The following CADPS variants were observed in gnomAD, a reference collection of about 807,000 sequenced individuals.
CADPS encodes calcium-dependent secretion activator 1.
Under a neutral mutation model 167.3 loss-of-function variants are expected in CADPS, and 57 were observed. The observed-to-expected ratio is 0.34, with a 90% CI of 0.28 to 0.42. The LOEUF (loss-of-function observed/expected upper bound fraction) is 0.42, where lower values mean the gene tolerates loss of function less well. Among genes scored for constraint, CADPS ranks in the 20% least tolerant of loss-of-function variants. The pLI, the probability that CADPS is intolerant of heterozygous loss-of-function variation, is 1.00. For synonymous variants in CADPS, 676 were observed against 635.3 expected, an observed-to-expected ratio of 1.06 and a Z score of -0.96; for missense variants, 1,414 against 1,738.1, an observed-to-expected ratio of 0.81 and a Z score of 3.32.
chr3:62,663,552 T>C (rs369302707), intron 3 of CADPS, among the ~76,000 whole-genome samples: 78 of 151,528 alleles, frequency 5.1e-4, no homozygotes, highest in African/African-American at 1.9e-3. Flanking sequence ...ATATGTGAGT[T>C]TTCTAAGTCC....
intron 6 of CADPS, among the ~76,000 whole-genome samples, chr3:62,616,458 A>G (rs1019178825): frequency 1.8e-5 from 2 of 112,196 alleles, no homozygotes; most frequent in African/African-American, 5.8e-5. Context: ...ACAATGAGTG[A>G]CTGATACATA....
rs188815712 is a variant in CADPS at position 62,656,908 on chromosome 3, T to A, written c.969+5406A>T. ...TCAGAGGACCCCCCTGGCATTTATA[T>A]TTTTCCGTGAGCTCAGATTTCCCAG... is the stretch of plus-strand genomic sequence containing the variant. On this transcript the variant is annotated intron_variant, in intron 4 of 29. Transcript: ENST00000383710. 2.6e-5 allele frequency among the ~76,000 whole-genome samples: 4 copies of A among 152,260 alleles called. No individual in the cohort carries two copies. In the East Asian group the frequency reaches 7.7e-4, roughly 29 times the overall value.
chr3:62,663,223 G>A (rs550223351), intron 3 of CADPS, among the ~76,000 whole-genome samples: 18 of 152,272 alleles, frequency 1.2e-4, no homozygotes, highest in African/African-American at 4.3e-4. Flanking sequence ...TGCAGGTGAA[G>A]ACAGCACTAA....
At chr3:62,654,450 G>C (rs558120145) in intron 4 of CADPS, among the ~76,000 whole-genome samples, 2 of 152,198 alleles carry the variant, frequency 1.3e-5, no homozygotes, top group African/African-American at 4.8e-5. Context: ...CCACCAGGTT[G>C]AGTTGGCTGA....
intron 22 of CADPS, among the ~76,000 whole-genome samples, chr3:62,479,478 G>T (rs1288964109): frequency 6.6e-6 from 1 of 152,238 alleles, no homozygotes; most frequent in Non-Finnish European, 1.5e-5. Flanking sequence ...GAGAGTGGGT[G>T]TTTCTATTGT....
chr3:62,428,401 C>T (rs1488581276), intron 28 of CADPS, among the ~76,000 whole-genome samples: 1 of 140,012 alleles, frequency 7.1e-6, no homozygotes, highest in Non-Finnish European at 1.5e-5. Flanking sequence ...AAGTGGGAAG[C>T]TGTATTGCTG....
At chr3:62,529,824 G>C (rs2073235399) in intron 13 of CADPS, among the ~76,000 whole-genome samples, 1 of 152,190 alleles carries the variant, frequency 6.6e-6, no homozygotes, top group African/African-American at 2.4e-5. Context: ...ATACACGCTT[G>C]AGAATTTTGG....
At chr3:62,747,462 A>C (rs2081726659) in intron 3 of CADPS, among the ~76,000 whole-genome samples, 2 of 152,218 alleles carry the variant, frequency 1.3e-5, no homozygotes, top group African/African-American at 4.8e-5. Flanking sequence ...TGAAGGCCTG[A>C]TAATTTGAGG....
intron 1 of CADPS, among the ~76,000 whole-genome samples, chr3:62,835,036 T>C (rs1207907384): frequency 1.3e-5 from 2 of 152,210 alleles, no homozygotes; most frequent in Non-Finnish European, 2.9e-5. Flanking sequence ...GTTTGGAATA[T>C]GAAGTATAAG....
At position 62,412,551 on chromosome 3, in the gene CADPS, A is replaced by AT. The variant is rs2049171274; in HGVS notation, c.3778-9367dup. On this transcript the variant is annotated intron_variant, in intron 28 of 29. Coordinates refer to ENST00000383710, the MANE Select transcript of CADPS (RefSeq NM_003716.4). The surrounding 1 kb of genome is among the most constrained non-coding windows in gnomAD (Gnocchi z 4.1). ...CCTTAGGAAGGTCCCAAATATCTTGATTTTTTATTAAGATAAGCAGTTATC... is the reference window on the plus strand; with the variant it reads ...CCTTAGGAAGGTCCCAAATATCTTGATTTTTTTATTAAGATAAGCAGTTATC... Among the ~76,000 whole-genome samples the AT allele has an allele frequency of 6.6e-6, 1 of 152,170 alleles. No homozygotes were observed. Among genetic ancestry groups the AT allele is most frequent in the South Asian group, 2.1e-4 (1 of 4,828 alleles).
chr3:62,597,999 C>G, intron 6 of CADPS, among the ~76,000 whole-genome samples: 1 of 152,048 alleles, frequency 6.6e-6, no homozygotes, highest in East Asian at 1.9e-4. Flanking sequence ...CTCCAAAACT[C>G]CAAAACAAAA....
chr3:62,744,474 G>C (rs2081013905), intron 3 of CADPS, among the ~76,000 whole-genome samples: 1 of 152,088 alleles, frequency 6.6e-6, no homozygotes, highest in South Asian at 2.1e-4. Flanking sequence ...AAACAAAAAG[G>C]CTGCATGTTG....
intron 6 of CADPS, among the ~76,000 whole-genome samples, chr3:62,606,986 A>G (rs1483743673): frequency 6.6e-6 from 1 of 152,242 alleles, no homozygotes; most frequent in Non-Finnish European, 1.5e-5. Flanking sequence ...ATGAGAATAA[A>G]TGACTATGGC....
chr3:62,689,073 A>C (rs1280802293), intron 3 of CADPS, among the ~76,000 whole-genome samples: 3 of 152,088 alleles, frequency 2.0e-5, no homozygotes, highest in African/African-American at 7.2e-5. Flanking sequence ...ACAGCTTTCA[A>C]GAGTTTTAGT....
At chr3:62,704,525 C>A (rs1367638881) in intron 3 of CADPS, among the ~76,000 whole-genome samples, 1 of 152,072 alleles carries the variant, frequency 6.6e-6, no homozygotes, top group Non-Finnish European at 1.5e-5. Context: ...TTTGTGCCCC[C>A]AACTAGAATC....
At chr3:62,739,150 G>A (rs1440180355) in intron 3 of CADPS, among the ~76,000 whole-genome samples, 2 of 152,148 alleles carry the variant, frequency 1.3e-5, no homozygotes, top group African/African-American at 4.8e-5. Flanking sequence ...TGACAGTTCT[G>A]AACTAAGACT....
At chr3:62,423,505 T>A (rs73102549) in intron 28 of CADPS, among the ~76,000 whole-genome samples, 52,191 of 152,098 alleles carry the variant, frequency 0.34, 9,645 homozygotes, top group Middle Eastern at 0.48. Flanking sequence ...CTTTTAGGGG[T>A]AGGAAGCACA....
At chr3:62,775,822 G>A (rs566387089) in intron 1 of CADPS, among the ~76,000 whole-genome samples, 2 of 152,224 alleles carry the variant, frequency 1.3e-5, no homozygotes, top group South Asian at 2.1e-4. Flanking sequence ...TATTAAAAAG[G>A]TGTGTGCCCA....
At chr3:62,681,511 C>T (rs1230013075) in intron 3 of CADPS, among the ~76,000 whole-genome samples, 1 of 151,990 alleles carries the variant, frequency 6.6e-6, no homozygotes, top group African/African-American at 2.4e-5. Flanking sequence ...TTCCACTGGC[C>T]CTCACTTTGT....
Sources: gnomAD v4.1 joint callset for allele counts (sites outside exome capture counted in the v4.1 genomes callset) on GRCh38, gnomAD v4.1.1 for gene constraint, Gnocchi (gnomAD v3.1) non-coding constraint, MANE v1.5 for transcripts, NCBI Gene and HGNC (gene_info 2026-07-23, HGNC 2026-07-21) for gene names.